The following USP13 variants were observed in gnomAD, a reference collection of about 807,000 sequenced individuals.
USP13 encodes ubiquitin carboxyl-terminal hydrolase 13.
A neutral mutation model predicts 107.8 loss-of-function variants in USP13; 68 were observed. That is an observed-to-expected ratio of 0.63 (90% CI 0.52 to 0.77). USP13 has a LOEUF of 0.77. Among genes scored for constraint, USP13 ranks in the 30% least tolerant of loss-of-function variants. The pLI is 0.00. For missense variants in USP13, 945 were observed against 1,093.3 expected, an observed-to-expected ratio of 0.86 and a Z score of 1.91; for synonymous variants, 377 against 389.5, an observed-to-expected ratio of 0.97 and a Z score of 0.38.
rs1720146552 is a variant in USP13 at position 179,653,415 on chromosome 3, A to AGGGTCGCGGGGCC, written c.168+25_168+37dup. 3.2e-6 allele frequency: 5 copies of AGGGTCGCGGGGCC among 1,543,992 alleles called. No individual in the cohort carries two copies. Among genetic ancestry groups the AGGGTCGCGGGGCC allele is most frequent in the Non-Finnish European group, 1.8e-6 (2 of 1,141,986 alleles). ...TCCCGTAAGTGAGGCGCCTCGGGGG[A>AGGGTCGCGGGGCC]GGGTCGCGGGGCCGGCGGCCTGCGG... On this transcript the variant is annotated intron_variant, in intron 1 of 20. Coordinates refer to ENST00000263966, the MANE Select transcript of USP13 (RefSeq NM_003940.3). The surrounding 1 kb of genome is among the most constrained non-coding windows in gnomAD (Gnocchi z 4.0).
intron 13 of USP13, among the ~76,000 whole-genome samples, chr3:179,750,304 G>GTA (rs61032635): frequency 0.16 from 17,930 of 113,360 alleles, 1,187 homozygotes; most frequent in South Asian, 0.25. Context: ...ATATGTGTGT[G>GTA]TATATATATA....
rs189033728 is a variant in USP13, at chr3:179,786,493, T to C, written c.*2352T>C. 1.3e-5 allele frequency: 2 copies of C among 152,400 alleles called. No homozygotes were observed. The highest frequency in any genetic ancestry group is 2.9e-5 in the Non-Finnish European group (2 of 68,046). The allele number at this position is 152,400 out of a possible 1,614,324, so 9.4% of individuals were successfully genotyped here. A position where few individuals can be genotyped will look rare whatever the true frequency, so the allele number is the denominator to read the frequency against. ...GATGCCTAGACATGTTGTAAAAAAA[T>C]TGTGCTATGGCTGCCTTTTCTTCTG... On this transcript the variant is annotated 3_prime_UTR_variant, in exon 21 of 21. Transcript: ENST00000263966.
intron 8 of USP13, among the ~76,000 whole-genome samples, chr3:179,729,210 A>C (rs978741875): frequency 6.6e-6 from 1 of 152,120 alleles, no homozygotes; most frequent in Non-Finnish European, 1.5e-5. Context: ...GGGGATGGAA[A>C]ATCACAAAGA....
intron 1 of USP13, among the ~76,000 whole-genome samples, chr3:179,668,835 G>A (rs775097985): frequency 1.3e-5 from 2 of 152,288 alleles, no homozygotes; most frequent in Admixed American, 6.5e-5. Context: ...TTATCTATGG[G>A]TGATTAATTT....
intron 8 of USP13, among the ~76,000 whole-genome samples, chr3:179,724,515 A>G (rs1006717932): frequency 1.3e-5 from 2 of 152,058 alleles, no homozygotes; most frequent in African/African-American, 4.8e-5. Context: ...AAAGGAAAGA[A>G]AAAAAGAAAA....
chr3:179,760,906 C>T (rs1714987338), intron 16 of USP13, among the ~76,000 whole-genome samples: 1 of 152,218 alleles, frequency 6.6e-6, no homozygotes, highest in African/African-American at 2.4e-5. Context: ...AACCTGGTTC[C>T]TATGTGGGTC....
rs1487558538 is a variant in USP13 at position 179,750,909 on chromosome 3, TTC to T, written c.1710-1374_1710-1373del. 2.6e-5 allele frequency among the ~76,000 whole-genome samples: 4 copies of T among 152,322 alleles called. No homozygotes were observed. In the East Asian group the frequency reaches 7.7e-4, roughly 29 times the overall value. On this transcript the variant is annotated intron_variant, in intron 13 of 20. Coordinates refer to ENST00000263966, the MANE Select transcript of USP13 (RefSeq NM_003940.3). ...TCGTTTGACTGTTTTTTGCCCCGTG[TTC>T]TGTCCCTGCGCTGTGCCTTTTCTCT... is the stretch of plus-strand genomic sequence containing the variant.
chr3:179,709,707 T>G (rs949879033), intron 6 of USP13, among the ~76,000 whole-genome samples: 1 of 152,248 alleles, frequency 6.6e-6, no homozygotes, highest in African/African-American at 2.4e-5. Flanking sequence ...ACCCATCATC[T>G]AATCATCATT....
intron 1 of USP13, among the ~76,000 whole-genome samples, chr3:179,661,855 A>G (rs530532110): frequency 1.3e-5 from 2 of 152,338 alleles, no homozygotes; most frequent in Non-Finnish European, 2.9e-5. Context: ...AAAGAGAAGG[A>G]GAAGCCACTT....
chr3:179,705,022 GGTT>G (rs1712663624), intron 4 of USP13, among the ~76,000 whole-genome samples: 1 of 152,166 alleles, frequency 6.6e-6, no homozygotes, highest in Admixed American at 6.5e-5. Flanking sequence ...ACGATAAGGA[GGTT>G]GTTGTGAAGC....
intron 10 of USP13, among the ~76,000 whole-genome samples, chr3:179,731,382 C>T (rs1274778367): frequency 1.3e-5 from 2 of 152,034 alleles, no homozygotes. Flanking sequence ...CCAGCCTGGG[C>T]GACAGAGTAA....
chr3:179,766,017 G>C (rs992131365), intron 19 of USP13, among the ~76,000 whole-genome samples, 169 bp downstream of exon 19: 6 of 148,196 alleles, frequency 4.0e-5, no homozygotes, highest in African/African-American at 1.5e-4. Flanking sequence ...GTCTCACACT[G>C]TTGCCAGGCT....
Position 179,740,274 on chromosome 3 carries a change from A to G in USP13, c.1282A>G (p.Met428Val). Residue 428 changes from methionine to valine, a missense_variant, in exon 11 of 21, where the codon ATG becomes GTG. Physicochemically the swap from Met to Val is conservative, Grantham distance 21 (BLOSUM62 1). Coordinates refer to ENST00000263966, the MANE Select transcript of USP13 (RefSeq NM_003940.3). ...ACAGCAGAACGGGATCTCTCCGCGC[A>G]TGTTTAAGGCCTTTGTAAGCAAGAG... is the stretch of plus-strand genomic sequence containing the variant. ...KPQQNGISPRMFKAFVSKSHP... is the reference protein window; with the variant it reads ...KPQQNGISPRVFKAFVSKSHP... The G allele has an allele frequency of 6.2e-7, 1 of 1,614,114 alleles. No homozygotes were observed. The highest frequency in any genetic ancestry group is 8.5e-7 in the Non-Finnish European group (1 of 1,180,030).
At position 179,740,154 on chromosome 3, in the gene USP13, A is replaced by G. The variant is rs1003233671; in HGVS notation, c.1255-93A>G. 1.9e-6 allele frequency: 3 copies of G among 1,544,838 alleles called. No homozygotes were observed. The African/African-American group carries it at 4.1e-5, about 21-fold the overall frequency. On this transcript the variant is annotated intron_variant, in intron 10 of 20. Transcript: ENST00000263966. The stretch of plus-strand genomic sequence containing the variant: ...TGGGCTGTAGTTTTCTCATCTGGAA[A>G]GTGGAGTTTATGGTGGGTTCTGCTC...
At chr3:179,673,264 A>G (rs1576915228) in intron 1 of USP13, among the ~76,000 whole-genome samples, 3 of 152,310 alleles carry the variant, frequency 2.0e-5, no homozygotes, top group African/African-American at 7.2e-5. Flanking sequence ...GCACTGAGGA[A>G]TAGTTTGAGA....
chr3:179,782,738 G>A (rs1323469323), intron 20 of USP13, among the ~76,000 whole-genome samples: 1 of 152,064 alleles, frequency 6.6e-6, no homozygotes, highest in Non-Finnish European at 1.5e-5. Context: ...AAATAGTTGA[G>A]CACAGGAATT....
At chr3:179,669,767 G>A (rs753491220) in intron 1 of USP13, among the ~76,000 whole-genome samples, 1 of 152,180 alleles carries the variant, frequency 6.6e-6, no homozygotes, top group Non-Finnish European at 1.5e-5. Context: ...TGCACATGTG[G>A]CTGGTGGCTA....
chr3:179,733,813 A>G lies in USP13; in HGVS notation c.1254+3104A>G, dbSNP rs114299404. Among the ~76,000 whole-genome samples, 451 of 152,336 alleles carry G rather than the reference A, an allele frequency of 3.0e-3. 4 individuals carry two copies. The highest frequency in any genetic ancestry group is 0.01 in the African/African-American group (416 of 41,580). On this transcript the variant is annotated intron_variant, in intron 10 of 20. Transcript: ENST00000263966. Reference sequence around the variant, plus strand: ...TTGCAAAGGGCCAGGCTCTTCCTCTATATTCACTGATGCGGAAACGGATGC... The same window carrying G: ...TTGCAAAGGGCCAGGCTCTTCCTCTGTATTCACTGATGCGGAAACGGATGC...
At chr3:179,696,421 C>T (rs765360356) in intron 3 of USP13, among the ~76,000 whole-genome samples, 1 of 151,542 alleles carries the variant, frequency 6.6e-6, no homozygotes, top group Non-Finnish European at 1.5e-5. Context: ...ACCTCCGCCT[C>T]CCGGGTTCAA....
Sources: allele counts gnomAD v4.1 joint callset (sites outside exome capture counted in the v4.1 genomes callset), GRCh38; gene constraint gnomAD v4.1.1; non-coding constraint Gnocchi (gnomAD v3.1); transcripts MANE v1.5; gene names NCBI Gene and HGNC (gene_info 2026-07-23, HGNC 2026-07-21).